The following PCDH20 variants were observed in gnomAD, a reference collection of about 807,000 sequenced individuals.
The protein encoded by PCDH20 is protocadherin 20.
A neutral mutation model predicts 39.7 loss-of-function variants in PCDH20; 18 were observed. That is an observed-to-expected ratio of 0.45 (90% CI 0.31 to 0.67). The LOEUF (loss-of-function observed/expected upper bound fraction) is 0.67. PCDH20 is among the 30% of genes least tolerant of loss of function. The probability of loss-of-function intolerance (pLI) is 0.05; values close to 1 mark genes in which losing one functional copy is unlikely to be tolerated. For missense variants in PCDH20, 1,161 were observed against 1,167.4 expected (o/e 0.99, Z 0.08); for synonymous variants, 495 against 455.4 (o/e 1.09, Z -1.11).
exon 2 of PCDH20, chr13:61,413,627 C>T: frequency 6.2e-7 from 1 of 1,614,196 alleles, no homozygotes; most frequent in Non-Finnish European, 8.5e-7. Context: ...GCAGTCCCTC[C>T]ACCCCCTTCA....
At position 61,413,273 on chromosome 13, in the gene PCDH20, C is replaced by T. The variant is rs563313981; in HGVS notation, c.826G>A (p.Gly276Ser). ...TCCTGGGTTTCCCTGTCCAAAGCACCCATGACAATTAGGTAGGGGGTGCGC... is the reference window on the plus strand; with the variant it reads ...TCCTGGGTTTCCCTGTCCAAAGCACTCATGACAATTAGGTAGGGGGTGCGC... The change falls in exon 2 of 2, where the codon GGT (glycine) becomes AGT (serine). Residue 276 changes from glycine (G) to serine (S), a missense_variant. Coordinates refer to ENST00000409204, the Ensembl canonical transcript of PCDH20. 11 of 1,614,052 alleles carry T rather than the reference C, an allele frequency of 6.8e-6. No individual in the cohort carries two copies. In the South Asian group the frequency reaches 1.1e-4, roughly 16 times the overall value.
rs750255058 is a variant in PCDH20, at chr13:61,413,052, C to G, written c.1047G>C (p.Leu349Phe). The change falls in exon 2 of 2, where the codon TTG (leucine) becomes TTC (phenylalanine). Residue 349 changes from leucine to phenylalanine, a missense_variant. Leu to Phe is a conservative substitution (Grantham distance 22, BLOSUM62 0). Around this residue, in one of 3 missense-constraint regions of PCDH20, gnomAD observed 754 missense variants for 777.5 expected, o/e 0.97. Transcript: ENST00000409204. ...AATAAGTAATTTGAGCATTGGTCCCCAAGTCTTTATCCACAGCCTGGACAG... is the reference window on the plus strand; with the variant it reads ...AATAAGTAATTTGAGCATTGGTCCCGAAGTCTTTATCCACAGCCTGGACAG... 5.0e-6 allele frequency: 8 copies of G among 1,614,006 alleles called. No individual in the cohort carries two copies. The Admixed American group carries it at 1.3e-4, about 27-fold the overall frequency.
exon 2 of PCDH20, chr13:61,413,529 G>A: frequency 1.2e-6 from 2 of 1,614,026 alleles, no homozygotes. Flanking sequence ...TCACAAACCT[G>A]AAGTATTCCT....
chr13:61,414,522 C>G (rs932121129), intron 1 of PCDH20, among the ~76,000 whole-genome samples: 1 of 152,120 alleles, frequency 6.6e-6, no homozygotes, highest in Admixed American at 6.5e-5. Flanking sequence ...CCAACACTTC[C>G]TCCTCCACCT....
exon 2 of PCDH20, chr13:61,412,787 C>T: frequency 6.2e-7 from 1 of 1,614,054 alleles, no homozygotes; most frequent in Non-Finnish European, 8.5e-7. Context: ...AGATAAACCA[C>T]ACCATCTATC....
At chr13:61,411,547 C>G (rs1355326867) in exon 2 of PCDH20, 1 of 1,614,146 alleles carries the variant, frequency 6.2e-7, no homozygotes, top group Non-Finnish European at 8.5e-7. Context: ...CTCAATGTAA[C>G]TCTCATTACT....
At chr13:61,415,172 G>A (rs2138022263) in exon 1 of PCDH20, 2 of 1,403,798 alleles carry the variant, frequency 1.4e-6, no homozygotes, top group Non-Finnish European at 1.9e-6. Context: ...CTGGGAGGCT[G>A]CAGTCAGAGC....
At chr13:61,412,966 C>T (rs2138019437) in exon 2 of PCDH20, 4 of 1,614,110 alleles carry the variant, frequency 2.5e-6, no homozygotes, top group Middle Eastern at 1.6e-4. Flanking sequence ...TTTAATGACT[C>T]CAGTGTTTTC....
Position 61,415,215 on chromosome 13 carries a change from C to T in PCDH20, c.-57G>A. On this transcript the variant is annotated 5_prime_UTR_variant, in exon 1 of 2. Coordinates refer to ENST00000409204, the Ensembl canonical transcript of PCDH20. ...AAGGGAGGGCGGCAGAAGACACTCC[C>T]TCTCGGTTCATGCAAATCGCTGGGG... 3.1e-6 allele frequency: 4 copies of T among 1,305,264 alleles called. No individual in the cohort carries two copies. The South Asian group carries it at 6.4e-5, about 21-fold the overall frequency. The allele number at this position is 1,305,264 out of a possible 1,614,324, so 80.9% of individuals were successfully genotyped here. A position where few individuals can be genotyped will look rare whatever the true frequency, so the allele number is the denominator to read the frequency against.
Position 61,413,753 on chromosome 13 carries a change from G to T in PCDH20, c.346C>A (p.Pro116Thr), listed in dbSNP as rs750532210. The stretch of plus-strand genomic sequence containing the variant: ...CGGGAGGCCAGGCTGAAGGAGAGAG[G>T]GGGGTTCCACTCAGCACCGGTGCGC... Residue 116 changes from proline (P) to threonine (T), a missense_variant, in exon 2 of 2, where the codon CCT (proline) becomes ACT (threonine). This residue lies in a region of PCDH20 where 401 missense variants were observed against 368.7 expected (regional missense o/e 1.09). Transcript: ENST00000409204. 4 of 1,613,856 alleles carry T rather than the reference G, an allele frequency of 2.5e-6. No homozygotes were observed. Among genetic ancestry groups the T allele is most frequent in the Non-Finnish European group, 3.4e-6 (4 of 1,179,912 alleles).
chr13:61,413,862 C>T, exon 2 of PCDH20: 1 of 1,613,396 alleles, frequency 6.2e-7, no homozygotes. Context: ...CGATGAGCAC[C>T]CCCGCGGGTA....
At chr13:61,413,747 A>C (rs1348566188) in exon 2 of PCDH20, 2 of 1,613,658 alleles carry the variant, frequency 1.2e-6, no homozygotes, top group Non-Finnish European at 1.7e-6. Context: ...AGGCTGAAGG[A>C]GAGAGGGGGG....
At chr13:61,413,966 G>C in exon 2 of PCDH20, 1 of 1,603,862 alleles carries the variant, frequency 6.2e-7, no homozygotes. Flanking sequence ...AGAAACAGAT[G>C]CTGGAGTTGG....
Position 61,415,110 on chromosome 13 carries a change from A to G in PCDH20, c.49T>C (p.Trp17Arg), listed in dbSNP as rs759100372. ...CGCGGGTGCCAGGTCGCCGGGCACC[A>G]GCTCACTCCCAGGGCCTGTGAGCTG... The change falls in exon 1 of 2, where the codon TGG becomes CGG. Residue 17 changes from tryptophan to arginine, a missense_variant. Physicochemically the swap from Trp to Arg is moderately radical, Grantham distance 101. Transcript: ENST00000409204. 3.9e-6 allele frequency: 6 copies of G among 1,555,548 alleles called. No individual in the cohort carries two copies. In the South Asian group the frequency reaches 6.0e-5, roughly 15 times the overall value.
chr13:61,412,056 C>T (rs143077589), exon 2 of PCDH20: 6 of 1,614,056 alleles, frequency 3.7e-6, no homozygotes, highest in African/African-American at 2.7e-5. Flanking sequence ...AAATATCACT[C>T]TGGTTCACCA....
At chr13:61,410,184 C>A (rs1878215981) in exon 2 of PCDH20, 1 of 152,000 alleles carries the variant, frequency 6.6e-6, no homozygotes, top group African/African-American at 2.4e-5. Flanking sequence ...AGTCAACAAA[C>A]CTAAACAACA....
chr13:61,412,383 A>G (rs1411651642), exon 2 of PCDH20: 1 of 1,614,068 alleles, frequency 6.2e-7, no homozygotes, highest in African/African-American at 1.3e-5. Context: ...GTCCCAGAAA[A>G]TATGAAACTT....
exon 2 of PCDH20, chr13:61,412,932 A>C: frequency 1.2e-6 from 2 of 1,614,182 alleles, no homozygotes; most frequent in Non-Finnish European, 1.7e-6. Context: ...ACTCCAGAAC[A>C]CTTCCTCCAA....
chr13:61,412,154 G>A (rs1878258812), exon 2 of PCDH20: 2 of 1,613,888 alleles, frequency 1.2e-6, no homozygotes, highest in African/African-American at 1.3e-5. Context: ...AAGTTTTCAG[G>A]CACAAAAAAG....
Sources: gnomAD v4.1 joint callset for allele counts (sites outside exome capture counted in the v4.1 genomes callset) on GRCh38, gnomAD v4.1.1 for gene constraint, gnomAD v4.1.1 regional missense constraint, MANE v1.5 for transcripts, NCBI Gene and HGNC (gene_info 2026-07-23, HGNC 2026-07-21) for gene names.